Variants in ERCC6 observed in about 807,000 individuals in gnomAD.
ERCC6 encodes ERCC excision repair 6, chromatin remodeling factor, also known as DNA excision repair protein ERCC-6.
ERCC6 carries 116 observed loss-of-function variants against 158.7 expected under a neutral mutation model. The observed-to-expected ratio is 0.73, with a 90% confidence interval of 0.63 to 0.85. ERCC6 has a LOEUF of 0.85. Among genes scored for constraint, ERCC6 ranks in the 40% least tolerant of loss-of-function variants. The probability of loss-of-function intolerance (pLI) is 0.00; values close to 1 mark genes in which losing one functional copy is unlikely to be tolerated. For synonymous variants in ERCC6, 678 were observed against 659.3 expected (o/e 1.03, Z -0.43); for missense variants, 1,698 against 1,799.4 (o/e 0.94, Z 1.02).
rs4253072 is a variant in ERCC6, at chr10:49,515,970, C to T, written c.1397+8063G>A. The T allele has an allele frequency of 1, 1,612,378 of 1,614,208 alleles. 805,284 individuals carry two copies. Among genetic ancestry groups the T allele is most frequent in the East Asian group, 1 (44,886 of 44,886 alleles). ...AGCTACATCTGATTCCAGTGGAACT[C>T]TGTCAATGTGATCCTTTCTCACTGT... is the stretch of plus-strand genomic sequence containing the variant. On this transcript the variant is annotated intron_variant, in intron 5 of 20. Transcript: ENST00000355832.
the ERCC6 span, among the ~76,000 whole-genome samples, chr10:49,437,531 G>A: frequency 6.6e-6 from 1 of 152,210 alleles, no homozygotes; most frequent in South Asian, 2.1e-4. Context: ...AGGTGGAGGA[G>A]AGGAGAGGAA....
At chr10:49,443,048 C>T in the ERCC6 span, among the ~76,000 whole-genome samples, 1 of 152,170 alleles carries the variant, frequency 6.6e-6, no homozygotes, top group South Asian at 2.1e-4. Context: ...TAAAATGTAC[C>T]GTTAGTGTGG....
chr10:49,519,535 C>G (rs145803359), intron 5 of ERCC6, among the ~76,000 whole-genome samples: 1 of 152,280 alleles, frequency 6.6e-6, no homozygotes, highest in East Asian at 1.9e-4. Flanking sequence ...TCAGGCTATG[C>G]ATTTAGCAGC....
chr10:49,497,812 G>T (rs1851292084), intron 7 of ERCC6, among the ~76,000 whole-genome samples: 1 of 152,116 alleles, frequency 6.6e-6, no homozygotes, highest in Admixed American at 6.5e-5. Context: ...TAAATTTAGG[G>T]AAAGCCAATA....
intron 5 of ERCC6, among the ~76,000 whole-genome samples, chr10:49,512,431 T>A (rs1023169075): frequency 3.3e-5 from 5 of 152,214 alleles, no homozygotes; most frequent in Non-Finnish European, 5.9e-5. Flanking sequence ...TGCCCCCTAG[T>A]GTGTTCAAAG....
At chr10:49,527,461 C>T (rs936527030) in intron 4 of ERCC6, among the ~76,000 whole-genome samples, 3 of 152,120 alleles carry the variant, frequency 2.0e-5, no homozygotes, top group African/African-American at 7.2e-5. Context: ...GATCACCTGA[C>T]GTCAGGAGTT....
At chr10:49,472,556 A>G in intron 15 of ERCC6, 86 bp from the exon 16 acceptor site, 1 of 1,353,056 alleles carries the variant, frequency 7.4e-7, no homozygotes, top group South Asian at 1.2e-5. Context: ...GCTGGTCACT[A>G]CCTGTCACTC....
At chr10:49,511,481 G>A (rs939664251) in intron 5 of ERCC6, among the ~76,000 whole-genome samples, 5 of 149,836 alleles carry the variant, frequency 3.3e-5, no homozygotes, top group Admixed American at 2.7e-4. Flanking sequence ...CTGGAGTACA[G>A]TGGCACGATC....
Position 49,532,854 on chromosome 10 carries a change from A to G in ERCC6, c.111T>C (p.Gly37=), listed in dbSNP as rs752688681. Residue 37 remains glycine (G), a synonymous_variant, in exon 2 of 21, where the codon GGT becomes GGC. Transcript: ENST00000355832. ...EEMAIKQESG[G]DGEVEEYLSF... ...AGAGGTACTCCTCCACCTCCCCATC[A>G]CCACCACTTTCTTGCTTGATTGCCA... 1.2e-6 allele frequency: 2 copies of G among 1,614,164 alleles called. No homozygotes were observed.
rs1342367150 is a variant in ERCC6 at position 49,526,132 on chromosome 10, T to A, written c.653-1355A>T. Among the ~76,000 whole-genome samples, 3 of 19,332 alleles carry A rather than the reference T, an allele frequency of 1.6e-4. 1 individual carries two copies. The highest frequency in any genetic ancestry group is 4.7e-4 in the Non-Finnish European group (3 of 6,446). The allele number at this position is 19,332 out of a possible 152,430, so 12.7% of individuals were successfully genotyped here. A position where few individuals can be genotyped will look rare whatever the true frequency, so the allele number is the denominator to read the frequency against. On this transcript the variant is annotated intron_variant, in intron 4 of 20. Transcript: ENST00000355832. The stretch of plus-strand genomic sequence containing the variant: ...TTATATATTTTTATATATATATATA[T>A]ATATATATATATATATATATATATA...
At chr10:49,531,497 T>C (rs1455579901) in intron 2 of ERCC6, among the ~76,000 whole-genome samples, 1 of 152,344 alleles carries the variant, frequency 6.6e-6, no homozygotes, top group South Asian at 2.1e-4. Context: ...CAATGCGTAT[T>C]ACTGGCTGAG....
chr10:49,513,312 G>A (rs1431498881), intron 5 of ERCC6, among the ~76,000 whole-genome samples: 1 of 152,100 alleles, frequency 6.6e-6, no homozygotes, highest in Non-Finnish European at 1.5e-5. Context: ...GACAAGTTTT[G>A]TTTTGAGATT....
At chr10:49,441,926 A>G in the ERCC6 span, among the ~76,000 whole-genome samples, 1 of 152,334 alleles carries the variant, frequency 6.6e-6, no homozygotes, top group African/African-American at 2.4e-5. Flanking sequence ...ACTGAAAGCA[A>G]AACTTCGTCC....
intron 15 of ERCC6, 162 bp downstream of exon 15, chr10:49,472,747 T>C (rs1850803526): frequency 1.1e-6 from 1 of 875,100 alleles, no homozygotes; most frequent in Non-Finnish European, 1.8e-6. Context: ...TCCTGTCCAT[T>C]TGACTCTGAA....
chr10:49,483,350 T>G lies in ERCC6; in HGVS notation c.1988A>C (p.Lys663Thr), dbSNP rs1190418936. 1 of 1,614,140 alleles carries G rather than the reference T, an allele frequency of 6.2e-7. No homozygotes were observed. ...NPNAAVTLAC[K>T]QFRTPHRIIL... is the part of the protein sequence containing the mutation. ...CCTTGTTAAAAGAGGTCATACCTGT[T>G]TGCAAGCAAGGGTGACAGCAGCATT... The change falls in exon 9 of 21, where the codon AAA becomes ACA. Residue 663 changes from lysine to threonine, a missense_variant. Coordinates refer to ENST00000355832, the MANE Select transcript of ERCC6 (RefSeq NM_000124.4).
At chr10:49,483,215 G>A (rs1851010744) in intron 9 of ERCC6, 131 bp downstream of exon 9, 2 of 970,942 alleles carry the variant, frequency 2.1e-6, no homozygotes, top group Admixed American at 2.0e-5. Flanking sequence ...TAAGGAAAAT[G>A]CACATTTTAA....
chr10:49,516,061 T>G, intron 5 of ERCC6: 1 of 1,614,136 alleles, frequency 6.2e-7, no homozygotes. Context: ...AAAAAGTTAT[T>G]GAATACAAAA....
At chr10:49,504,092 T>G (rs1277972383) in intron 6 of ERCC6, 1 of 152,166 alleles carries the variant, frequency 6.6e-6, no homozygotes, top group Non-Finnish European at 1.5e-5. Flanking sequence ...TGTGTACAAC[T>G]CTATACCCTG....
In ERCC6 at chr10:49,470,548, T is replaced by C; in HGVS notation, c.3412A>G (p.Thr1138Ala). The change falls in exon 18 of 21, where the codon ACT becomes GCT. Residue 1138 changes from threonine to alanine, a missense_variant. Coordinates refer to ENST00000355832, the MANE Select transcript of ERCC6 (RefSeq NM_000124.4). ...ECSNSSGTGKTSMPSGDESID... is the reference protein window; with the variant it reads ...ECSNSSGTGKASMPSGDESID... ...CTTTCATCACCAGATGGCATAGAAG[T>C]TTTGCCTGTTCCTGAAGAATTTGAA... The C allele has an allele frequency of 1.2e-6, 2 of 1,614,142 alleles. No individual in the cohort carries two copies.
Sources: gnomAD v4.1 joint callset for allele counts (sites outside exome capture counted in the v4.1 genomes callset) on GRCh38, gnomAD v4.1.1 for gene constraint, MANE v1.5 for transcripts, NCBI Gene and HGNC (gene_info 2026-07-23, HGNC 2026-07-21) for gene names.